The following ATP10B variants were observed in gnomAD, a reference collection of about 807,000 sequenced individuals.
ATP10B encodes the protein phospholipid-transporting ATPase VB.
A neutral mutation model predicts 141.2 loss-of-function variants in ATP10B; 122 were observed. The observed-to-expected ratio is 0.86, with a 90% CI of 0.75 to 1.00. The LOEUF (loss-of-function observed/expected upper bound fraction) is 1.00. Among genes scored for constraint, ATP10B ranks in the 50% least tolerant of loss-of-function variants. ATP10B has a pLI of 0.00. For synonymous variants in ATP10B, 685 were observed against 692.0 expected (o/e 0.99, Z 0.16); for missense variants, 1,876 against 1,825.3 (o/e 1.03, Z -0.51).
the ATP10B span, among the ~76,000 whole-genome samples, chr5:160,861,951 T>C: frequency 6.6e-6 from 1 of 152,094 alleles, no homozygotes; most frequent in African/African-American, 2.4e-5. Flanking sequence ...TTAGGAAGAA[T>C]TTTTCTTTCA....
At chr5:160,704,451 A>G (rs780786925) in intron 3 of ATP10B, among the ~76,000 whole-genome samples, 2 of 152,162 alleles carry the variant, frequency 1.3e-5, no homozygotes, top group Admixed American at 6.5e-5. Flanking sequence ...CATGCCATAA[A>G]CAGATGTGCT....
chr5:160,910,931 G>T, the ATP10B span, among the ~76,000 whole-genome samples: 54 of 152,068 alleles, frequency 3.6e-4, no homozygotes, highest in Non-Finnish European at 6.8e-4. Context: ...CTTTTTCCTG[G>T]GCGTAAGTTC....
chr5:160,813,870 C>G (rs1166840114), intron 1 of ATP10B, among the ~76,000 whole-genome samples: 1 of 152,198 alleles, frequency 6.6e-6, no homozygotes, highest in Non-Finnish European at 1.5e-5. Context: ...CCCAGGCAAA[C>G]AGGGTCTGGA....
chr5:160,882,379 G>A, the ATP10B span, among the ~76,000 whole-genome samples: 2 of 152,130 alleles, frequency 1.3e-5, no homozygotes, highest in Non-Finnish European at 2.9e-5. Flanking sequence ...GGAAGTCTCT[G>A]CATCTTCCTC....
intron 1 of ATP10B, among the ~76,000 whole-genome samples, chr5:160,818,995 G>T (rs1303882235): frequency 6.6e-6 from 1 of 152,150 alleles, no homozygotes; most frequent in East Asian, 1.9e-4. Flanking sequence ...ACCAGGGCCT[G>T]TTGCTGGGGG....
chr5:160,723,833 A>G (rs576856112), intron 2 of ATP10B, among the ~76,000 whole-genome samples: 2 of 152,270 alleles, frequency 1.3e-5, no homozygotes, highest in East Asian at 3.9e-4. Context: ...AAGCACACGT[A>G]CGTTCACTGT....
intron 2 of ATP10B, among the ~76,000 whole-genome samples, chr5:160,785,203 G>T (rs1169109927): frequency 4.6e-5 from 7 of 151,970 alleles, no homozygotes; most frequent in African/African-American, 1.7e-4. Flanking sequence ...TTCTTATGAG[G>T]GCCAACAACT....
intron 1 of ATP10B, among the ~76,000 whole-genome samples, chr5:160,801,625 T>C (rs1361967053): frequency 6.6e-6 from 1 of 152,210 alleles, no homozygotes; most frequent in African/African-American, 2.4e-5. Context: ...ATGACTACTT[T>C]GTTCTTCTGA....
At chr5:160,683,043 A>ACCCC (rs1561748490) in intron 6 of ATP10B, among the ~76,000 whole-genome samples, 1 of 91,320 alleles carries the variant, frequency 1.1e-5, no homozygotes, top group Admixed American at 1.3e-4. Context: ...TGTCCCCCAA[A>ACCCC]AAAAAAAAAA....
At chr5:160,566,608 A>C (rs1450858609) in intron 25 of ATP10B, among the ~76,000 whole-genome samples, 1 of 152,168 alleles carries the variant, frequency 6.6e-6, no homozygotes, top group Non-Finnish European at 1.5e-5. Context: ...AGCTGCATGC[A>C]GTCTGTAGTA....
chr5:160,818,085 A>G (rs188610965), intron 1 of ATP10B, among the ~76,000 whole-genome samples: 1 of 152,198 alleles, frequency 6.6e-6, no homozygotes, highest in Non-Finnish European at 1.5e-5. Context: ...GGACACAGGC[A>G]TGGGCAAGGA....
Position 160,603,722 on chromosome 5 carries a change from G to C in ATP10B, c.3237+243C>G, listed in dbSNP as rs1294538593. On this transcript the variant is annotated intron_variant, in intron 20 of 25. Transcript: ENST00000327245. ...ATGGCTCAAAACCCACAAAATGTCTGTTTAAATGGGAAAATTTAGCAGTCA... is the reference window on the plus strand; with the variant it reads ...ATGGCTCAAAACCCACAAAATGTCTCTTTAAATGGGAAAATTTAGCAGTCA... The C allele has an allele frequency of 6.0e-6, 3 of 503,792 alleles. No homozygotes were observed. In the East Asian group the frequency reaches 9.5e-5, roughly 16 times the overall value. 31.2% of individuals were successfully genotyped at this position (503,792 alleles called of 1,614,324 possible). A position where few individuals can be genotyped will look rare whatever the true frequency, so the allele number is the denominator to read the frequency against.
intron 2 of ATP10B, among the ~76,000 whole-genome samples, chr5:160,735,284 T>A (rs966548928): frequency 6.6e-6 from 1 of 151,268 alleles, no homozygotes. Context: ...ACATACAGAT[T>A]GAAAATAAAG....
At chr5:160,577,216 C>T (rs958296064) in intron 24 of ATP10B, among the ~76,000 whole-genome samples, 4 of 152,120 alleles carry the variant, frequency 2.6e-5, no homozygotes, top group African/African-American at 9.7e-5. Context: ...TCAGTGTGTC[C>T]AAGAATCCAG....
chr5:160,894,012 G>C, the ATP10B span, among the ~76,000 whole-genome samples: 1 of 152,230 alleles, frequency 6.6e-6, no homozygotes, highest in African/African-American at 2.4e-5. Context: ...CAATAAAAAG[G>C]ACGTCCACAC....
intron 2 of ATP10B, among the ~76,000 whole-genome samples, chr5:160,731,011 C>T (rs1024688110): frequency 2.0e-5 from 3 of 152,116 alleles, no homozygotes; most frequent in Non-Finnish European, 4.4e-5. Flanking sequence ...ATTAACCTTC[C>T]CATAATGTCT....
At chr5:160,743,970 A>C (rs970861299) in intron 2 of ATP10B, among the ~76,000 whole-genome samples, 1 of 152,152 alleles carries the variant, frequency 6.6e-6, no homozygotes, top group African/African-American at 2.4e-5. Context: ...ACCAGTCCAA[A>C]ATGTTAATAA....
intron 1 of ATP10B, among the ~76,000 whole-genome samples, chr5:160,836,032 G>A (rs1775405101): frequency 6.6e-6 from 1 of 152,072 alleles, no homozygotes; most frequent in Admixed American, 6.6e-5. Context: ...TCACTCACAG[G>A]TGGAAGCTAA....
intron 13 of ATP10B, among the ~76,000 whole-genome samples, chr5:160,625,216 T>C (rs1158764130): frequency 1.3e-5 from 2 of 152,194 alleles, no homozygotes; most frequent in South Asian, 2.1e-4. Context: ...CTAGAATTCA[T>C]AATCTTAACA....
Sources: allele counts gnomAD v4.1 joint callset (sites outside exome capture counted in the v4.1 genomes callset), GRCh38; gene constraint gnomAD v4.1.1; transcripts MANE v1.5; gene names NCBI Gene and HGNC (gene_info 2026-07-23, HGNC 2026-07-21).